The following CYP2F1 variants were observed in gnomAD, a reference collection of about 807,000 sequenced individuals.
The protein encoded by CYP2F1 is cytochrome P450 2F1.
A neutral mutation model predicts 40.4 loss-of-function variants in CYP2F1; 33 were observed. The observed-to-expected ratio is 0.82, with a 90% CI of 0.62 to 1.09. The LOEUF (loss-of-function observed/expected upper bound fraction) is 1.09. Ranked by LOEUF, CYP2F1 falls within the 50% of genes least tolerant of loss-of-function variation. The pLI is 0.00. For synonymous variants in CYP2F1, 235 were observed against 277.2 expected, an observed-to-expected ratio of 0.85 and a Z score of 1.51; for missense variants, 566 against 655.7, an observed-to-expected ratio of 0.86 and a Z score of 1.49.
Position 41,125,512 on chromosome 19 carries a change from T to C in CYP2F1, c.1172T>C (p.Leu391Pro), listed in dbSNP as rs144315434. The C allele has an allele frequency of 0.077, 118,894 of 1,535,712 alleles. 1,628 individuals carry two copies. Among genetic ancestry groups the C allele is most frequent in the Middle Eastern group, 0.12 (675 of 5,780 alleles). Residue 391 changes from leucine (L) to proline (P), a missense_variant, in exon 9 of 10, where the codon CTC becomes CCC. By Grantham distance (98) the Leu-to-Pro change is moderately conservative (BLOSUM62 -3). Coordinates refer to ENST00000331105, the MANE Select transcript of CYP2F1 (RefSeq NM_000774.5). Reference protein sequence around the residue: ...LIPKGTDVITLLNTVHYDPSQ... With the variant: ...LIPKGTDVITPLNTVHYDPSQ... ...ACACAGGGCACCGATGTCATCACCC[T>C]CCTTAACACCGTCCACTACGACCCC... is the stretch of plus-strand genomic sequence containing the variant.
At chr19:41,116,898 C>T (rs1216596972) in intron 3 of CYP2F1, among the ~76,000 whole-genome samples, 4 of 152,094 alleles carry the variant, frequency 2.6e-5, no homozygotes, top group Admixed American at 1.3e-4. Flanking sequence ...TCTATCCCAA[C>T]CGCATCATCA....
At chr19:41,127,284 C>T (rs2032580754) in intron 9 of CYP2F1, among the ~76,000 whole-genome samples, 3 of 152,170 alleles carry the variant, frequency 2.0e-5, no homozygotes, top group Admixed American at 2.0e-4. Context: ...AGCCTCACTG[C>T]TTTCCCTGTG....
intron 7 of CYP2F1, 72 bp downstream of exon 7, chr19:41,123,035 G>A (rs777056947): frequency 3.9e-6 from 6 of 1,525,106 alleles, no homozygotes; most frequent in Non-Finnish European, 5.3e-6. Flanking sequence ...GGGAGCCACG[G>A]CCCCGCCTCC....
chr19:41,120,328 C>G lies in CYP2F1; in HGVS notation c.335-19C>G. On this transcript the variant is annotated intron_variant, in intron 3 of 9. Coordinates refer to ENST00000331105, the MANE Select transcript of CYP2F1 (RefSeq NM_000774.5). ...AGGATGAGTTCCCGGTTAAGCTGGT[C>G]CCCTCCTCTTCTCCCCAGGCATCGC... The G allele has an allele frequency of 1.9e-6, 3 of 1,573,916 alleles. No homozygotes were observed. Among genetic ancestry groups the G allele is most frequent in the African/African-American group, 1.4e-5 (1 of 72,766 alleles).
intron 3 of CYP2F1, among the ~76,000 whole-genome samples, chr19:41,116,928 T>G (rs2031850379): frequency 6.6e-6 from 1 of 152,018 alleles, no homozygotes. Flanking sequence ...CTCAGTCAAG[T>G]GGCCCCAGTT....
chr19:41,121,715 G>T (rs2032216915), intron 5 of CYP2F1, 97 bp downstream of exon 5: 1 of 1,216,990 alleles, frequency 8.2e-7, no homozygotes, highest in Non-Finnish European at 1.1e-6. Context: ...TGAATGGCCC[G>T]CCCAGGGCCC....
At position 41,121,331 on chromosome 19, in the gene CYP2F1, C is replaced by T. The variant is rs550580377; in HGVS notation, c.485-127C>T. ...AAGCAGCATGTTGTGACCATGTCCC[C>T]GTGTTTGCACCGTAAGACACGTTGC... On this transcript the variant is annotated intron_variant, in intron 4 of 9. Transcript: ENST00000331105. 1.9e-3 allele frequency: 1,771 copies of T among 955,390 alleles called. 36 individuals carry two copies. Among genetic ancestry groups the T allele is most frequent in the Non-Finnish European group, 3.9e-4 (248 of 636,212 alleles). 59.2% of individuals were successfully genotyped at this position (955,390 alleles called of 1,614,324 possible).
Position 41,128,140 on chromosome 19 carries a change from A to G in CYP2F1, c.*58A>G, listed in dbSNP as rs191465117. 1.7e-5 allele frequency: 26 copies of G among 1,524,550 alleles called. 1 individual carries two copies. Among genetic ancestry groups the G allele is most frequent in the Admixed American group, 5.5e-5 (3 of 54,948 alleles). The allele number at this position is 1,524,550 out of a possible 1,614,324, so 94.4% of individuals were successfully genotyped here. Reference sequence around the variant, plus strand: ...ATGAGGCCCGCCCATGCGGGTTGCTACGTCCCCTTCTTGGTCCACAGTCTG... The same window carrying G: ...ATGAGGCCCGCCCATGCGGGTTGCTGCGTCCCCTTCTTGGTCCACAGTCTG... On this transcript the variant is annotated 3_prime_UTR_variant, in exon 10 of 10. Transcript: ENST00000331105.
chr19:41,125,957 A>C (rs1327563586), intron 9 of CYP2F1: 1 of 477,428 alleles, frequency 2.1e-6, no homozygotes, highest in Non-Finnish European at 3.5e-6. Flanking sequence ...ATATGGTGAA[A>C]CCCTGTCTCT....
chr19:41,115,134 C>A (rs575016283), intron 1 of CYP2F1, among the ~76,000 whole-genome samples: 2 of 150,606 alleles, frequency 1.3e-5, no homozygotes, highest in South Asian at 4.2e-4. Flanking sequence ...ATATTCCCTG[C>A]CTCTCTTATT....
intron 9 of CYP2F1, among the ~76,000 whole-genome samples, chr19:41,127,625 C>T (rs558252337): frequency 2.0e-4 from 30 of 152,292 alleles, no homozygotes; most frequent in Admixed American, 3.9e-4. Context: ...TAAGCCAGCA[C>T]GCCCAGCCTT....
In CYP2F1 at chr19:41,128,246, G is replaced by A. The variant is rs3920; in HGVS notation, c.*164G>A. On this transcript the variant is annotated 3_prime_UTR_variant, in exon 10 of 10. Transcript: ENST00000331105. ...CCCTTCCCCCATCCCTCCAATCTGT[G>A]CCCCGTCTGCAGGGCAGAGGCAGAT... 164,829 of 605,126 alleles carry A rather than the reference G, an allele frequency of 0.27. 27,093 individuals carry two copies. Among genetic ancestry groups the A allele is most frequent in the African/African-American group, 0.56 (23,539 of 42,278 alleles). The allele number at this position is 605,126 out of a possible 1,614,324, so 37.5% of individuals were successfully genotyped here.
intron 7 of CYP2F1, among the ~76,000 whole-genome samples, chr19:41,123,661 G>A (rs780683963): frequency 2.0e-5 from 3 of 151,990 alleles, no homozygotes; most frequent in East Asian, 1.9e-4. Context: ...GAGTACAGGC[G>A]TGCACCACCA....
intron 7 of CYP2F1, chr19:41,123,228 G>A (rs1180310233): frequency 3.6e-6 from 2 of 551,050 alleles, no homozygotes; most frequent in Non-Finnish European, 3.5e-6. Context: ...GACGGAGTCT[G>A]GCTCTGTCAC....
chr19:41,127,900 G>A lies in CYP2F1; in HGVS notation c.1295-1G>A. The A allele has an allele frequency of 1.2e-6, 2 of 1,610,702 alleles. No individual in the cohort carries two copies. The highest frequency in any genetic ancestry group is 8.5e-7 in the Non-Finnish European group (1 of 1,178,652). On this transcript the variant is annotated splice_acceptor_variant, in intron 9 of 9. Coordinates refer to ENST00000331105, the MANE Select transcript of CYP2F1 (RefSeq NM_000774.5). LOFTEE classifies it high-confidence loss of function. ...CGCTCCCCATCCTGCCACCCCTGCA[G>A]GGCGCCGTCTGTGCCTGGGAGAGTC...
At chr19:41,115,304 G>A (rs769881983) in intron 1 of CYP2F1, among the ~76,000 whole-genome samples, 14 of 151,876 alleles carry the variant, frequency 9.2e-5, no homozygotes, top group Non-Finnish European at 1.9e-4. Context: ...GTCCCTCTCT[G>A]TCTCTCAGTC....
At chr19:41,119,740 TATATATATACACACACAC>T (rs1286925478) in intron 3 of CYP2F1, among the ~76,000 whole-genome samples, 21 of 73,450 alleles carry the variant, frequency 2.9e-4, no homozygotes, top group Middle Eastern at 6.0e-3. Flanking sequence ...TATATATATA[TATATATATACACACACAC>T]ACACACACAC....
rs764372990 is a variant in CYP2F1 at position 41,124,879 on chromosome 19, G to T, written c.1125G>T (p.Thr375=). Residue 375 remains threonine, a synonymous_variant, in exon 8 of 10, where the codon ACG becomes ACT. Transcript: ENST00000331105. The stretch of plus-strand genomic sequence containing the variant: ...TGCCGCACCGCGTCACTAGGGACAC[G>T]GCCTTTCGCGGCTTCCTGATACCCA... The part of the protein sequence containing the change: ...MNLPHRVTRD[T]AFRGFLIPKG... 4 of 1,608,100 alleles carry T rather than the reference G, an allele frequency of 2.5e-6. 1 individual carries two copies. In the South Asian group the frequency reaches 4.4e-5, roughly 18 times the overall value.
chr19:41,127,665 G>A (rs2032596933), intron 9 of CYP2F1, among the ~76,000 whole-genome samples: 1 of 152,140 alleles, frequency 6.6e-6, no homozygotes, highest in African/African-American at 2.4e-5. Flanking sequence ...TCCAGAACGT[G>A]TGGTTTGTCC....
Sources: allele counts gnomAD v4.1 joint callset (sites outside exome capture counted in the v4.1 genomes callset), GRCh38; gene constraint gnomAD v4.1.1; transcripts MANE v1.5; gene names NCBI Gene and HGNC (gene_info 2026-07-23, HGNC 2026-07-21).